ERC2: variants seen among roughly 807,000 people sequenced by gnomAD.
The protein encoded by ERC2 is ELKS/RAB6-interacting/CAST family member 2.
A neutral mutation model predicts 114.8 loss-of-function variants in ERC2; 42 were observed. That is an observed-to-expected ratio of 0.37 (90% CI 0.29 to 0.47). The LOEUF is 0.47. Among genes scored for constraint, ERC2 ranks in the 20% least tolerant of loss-of-function variants. The probability of loss-of-function intolerance (pLI) is 0.99; values close to 1 mark genes in which losing one functional copy is unlikely to be tolerated. For missense variants in ERC2, 939 were observed against 1,150.7 expected (o/e 0.82, Z 2.66); for synonymous variants, 454 against 425.5 (o/e 1.07, Z -0.82).
intron 3 of ERC2, among the ~76,000 whole-genome samples, chr3:56,275,738 T>C (rs1202939064): frequency 6.6e-6 from 1 of 152,230 alleles, no homozygotes; most frequent in Admixed American, 6.5e-5. Context: ...GCACTTTTAG[T>C]AGCAAGACTT....
chr3:56,204,922 C>CTG (rs58831473), intron 3 of ERC2, among the ~76,000 whole-genome samples: 14,087 of 149,896 alleles, frequency 0.094, 899 homozygotes, highest in African/African-American at 0.17. Context: ...TGGGACGTGT[C>CTG]TGTGTGTGTG....
At chr3:56,460,237 T>A (rs1227502996) in intron 1 of ERC2, among the ~76,000 whole-genome samples, 1 of 152,202 alleles carries the variant, frequency 6.6e-6, no homozygotes, top group African/African-American at 2.4e-5. Context: ...TTGACAATGG[T>A]TAAGGCTTGT....
At chr3:56,280,030 C>A (rs1474104683) in intron 3 of ERC2, among the ~76,000 whole-genome samples, 2 of 152,148 alleles carry the variant, frequency 1.3e-5, no homozygotes, top group Non-Finnish European at 2.9e-5. Context: ...ATTGTATTAA[C>A]TAGGTGGGCC....
At chr3:56,417,515 T>C (rs2061213436) in intron 2 of ERC2, among the ~76,000 whole-genome samples, 1 of 152,192 alleles carries the variant, frequency 6.6e-6, no homozygotes, top group African/African-American at 2.4e-5. Context: ...TCCTAGCCAT[T>C]CCTAAGCAGC....
intron 14 of ERC2, among the ~76,000 whole-genome samples, chr3:55,884,808 A>G (rs2063288229): frequency 6.6e-6 from 1 of 152,108 alleles, no homozygotes; most frequent in African/African-American, 2.4e-5. Flanking sequence ...AATTTAACAG[A>G]TACCACCTCT....
intron 3 of ERC2, among the ~76,000 whole-genome samples, chr3:56,280,341 A>G (rs1391109166): frequency 6.6e-6 from 1 of 152,194 alleles, no homozygotes; most frequent in Admixed American, 6.5e-5. Flanking sequence ...AGAATCATGT[A>G]TTTGTATTGT....
intron 1 of ERC2, among the ~76,000 whole-genome samples, chr3:56,436,065 C>A (rs1194995294): frequency 1.3e-5 from 2 of 152,214 alleles, no homozygotes; most frequent in African/African-American, 4.8e-5. Flanking sequence ...AGTATCCCTT[C>A]AATTTTAGCA....
intron 2 of ERC2, among the ~76,000 whole-genome samples, chr3:56,399,385 T>G (rs2060436691): frequency 1.3e-5 from 2 of 152,214 alleles, no homozygotes; most frequent in African/African-American, 4.8e-5. Flanking sequence ...TGCTAAGCAC[T>G]CAAAACACCT....
At chr3:56,086,071 A>T (rs549102573) in intron 6 of ERC2, among the ~76,000 whole-genome samples, 1 of 152,316 alleles carries the variant, frequency 6.6e-6, no homozygotes, top group South Asian at 2.1e-4. Flanking sequence ...TGTTGAGTGA[A>T]GAGGCAGAGA....
intron 14 of ERC2, among the ~76,000 whole-genome samples, chr3:55,756,527 T>C (rs2067068156): frequency 6.6e-6 from 1 of 152,214 alleles, no homozygotes; most frequent in Admixed American, 6.5e-5. Context: ...GGTTAGTTTA[T>C]CTTTCTAAAA....
intron 15 of ERC2, among the ~76,000 whole-genome samples, chr3:55,725,841 T>A (rs1225448360): frequency 6.6e-6 from 1 of 152,200 alleles, no homozygotes; most frequent in East Asian, 1.9e-4. Flanking sequence ...CTGAGTGCTA[T>A]TTTTTGTTGC....
At chr3:56,319,994 C>T (rs1329508168) in intron 2 of ERC2, among the ~76,000 whole-genome samples, 2 of 152,158 alleles carry the variant, frequency 1.3e-5, no homozygotes, top group Non-Finnish European at 2.9e-5. Context: ...CACACTCAAA[C>T]ATCTACAAGT....
chr3:56,398,550 G>GTA (rs2060400638), intron 2 of ERC2, among the ~76,000 whole-genome samples: 1 of 151,880 alleles, frequency 6.6e-6, no homozygotes, highest in Non-Finnish European at 1.5e-5. Flanking sequence ...ATAAATGTGT[G>GTA]TATATATACA....
rs111843761 is a variant in ERC2, at chr3:56,446,023, T to C, written c.-140-10876A>G. Reference sequence around the variant, plus strand: ...TAGGTTAAAGTAGAGTTAGACTAGGTAGCCTGAATCCTCTGGTGAAGGTGT... The same window carrying C: ...TAGGTTAAAGTAGAGTTAGACTAGGCAGCCTGAATCCTCTGGTGAAGGTGT... On this transcript the variant is annotated intron_variant, in intron 1 of 17. Coordinates refer to ENST00000288221, the MANE Select transcript of ERC2 (RefSeq NM_015576.3). Among the ~76,000 whole-genome samples the C allele has an allele frequency of 4.4e-3, 666 of 152,226 alleles. 3 individuals are homozygous for C. The highest frequency in any genetic ancestry group is 0.015 in the African/African-American group (635 of 41,526).
At chr3:56,260,875 A>G (rs963253707) in intron 3 of ERC2, among the ~76,000 whole-genome samples, 2 of 152,208 alleles carry the variant, frequency 1.3e-5, no homozygotes, top group Non-Finnish European at 2.9e-5. Context: ...CTTTAGTGGC[A>G]TGGTCTACCA....
Position 55,993,258 on chromosome 3 carries a change from G to GT in ERC2, c.2062-1009dup, listed in dbSNP as rs141935511. 2.2e-3 allele frequency among the ~76,000 whole-genome samples: 329 copies of GT among 152,242 alleles called. 2 individuals are homozygous for GT. Among genetic ancestry groups the GT allele is most frequent in the African/African-American group, 7.6e-3 (315 of 41,532 alleles). On this transcript the variant is annotated intron_variant, in intron 10 of 17. Coordinates refer to ENST00000288221, the MANE Select transcript of ERC2 (RefSeq NM_015576.3). ...AAGTTCAGATAAGTCATATACGTAT[G>GT]TATCTCCAAAATCCATGGGTGATAT...
intron 6 of ERC2, among the ~76,000 whole-genome samples, chr3:56,120,875 T>C (rs1329360309): frequency 2.0e-5 from 3 of 152,194 alleles, no homozygotes; most frequent in African/African-American, 7.2e-5. Flanking sequence ...CAGGTCCATT[T>C]TAGAGTTAAT....
At chr3:55,916,222 T>G (rs1024959079) in intron 13 of ERC2, among the ~76,000 whole-genome samples, 11 of 152,162 alleles carry the variant, frequency 7.2e-5, no homozygotes, top group Middle Eastern at 3.2e-3. Flanking sequence ...ACCCAATTTA[T>G]TCCCATAAAA....
chr3:55,732,749 C>T (rs2065334119), intron 15 of ERC2, among the ~76,000 whole-genome samples: 1 of 152,206 alleles, frequency 6.6e-6, no homozygotes, highest in South Asian at 2.1e-4. Context: ...GCAGCTCCAC[C>T]AAGCTAATTC....
Sources: allele counts gnomAD v4.1 joint callset (sites outside exome capture counted in the v4.1 genomes callset), GRCh38; gene constraint gnomAD v4.1.1; transcripts MANE v1.5; gene names NCBI Gene and HGNC (gene_info 2026-07-23, HGNC 2026-07-21).